The following ADAMTSL1 variants were observed in gnomAD, a reference collection of about 807,000 sequenced individuals.
ADAMTSL1 encodes ADAMTS-like protein 1.
In ADAMTSL1, 126 loss-of-function variants were observed where a neutral mutation model predicts 201.8. The observed-to-expected ratio is 0.62, with a 90% CI of 0.54 to 0.72. The LOEUF is 0.72. Among genes scored for constraint, ADAMTSL1 ranks in the 30% least tolerant of loss-of-function variants. The pLI, the probability that ADAMTSL1 is intolerant of heterozygous loss-of-function variation, is 0.00. For synonymous variants in ADAMTSL1, 1,121 were observed against 903.4 expected (o/e 1.24, Z -4.32); for missense variants, 2,679 against 2,277.8 (o/e 1.18, Z -3.59).
chr9:18,316,084 A>G (rs1834382580), intron 2 of ADAMTSL1, among the ~76,000 whole-genome samples: 1 of 152,222 alleles, frequency 6.6e-6, no homozygotes, highest in Non-Finnish European at 1.5e-5. Context: ...TGCAAAAACC[A>G]GCAAGTTTTT....
intron 3 of ADAMTSL1, among the ~76,000 whole-genome samples, chr9:18,547,508 G>C (rs114063374): frequency 0.018 from 2,739 of 151,832 alleles, 75 homozygotes; most frequent in African/African-American, 0.063. Context: ...GCAGTAGCTT[G>C]ACTCTGGTAG....
rs1296645790 is a variant in ADAMTSL1, at chr9:17,958,337, TG to T, written c.87+51418del. ...CCACTAGACACTGAGATGAGATAAC[TG>T]GGAGAAGAAGCAACTTGTAGAAACA... On this transcript the variant is annotated intron_variant, in intron 1 of 29. Coordinates refer to the ADAMTSL1 transcript ENST00000680146. Among the ~76,000 whole-genome samples, 11 of 152,326 alleles carry T rather than the reference TG, an allele frequency of 7.2e-5. No individual in the cohort carries two copies. The East Asian group carries it at 1.9e-3, about 27-fold the overall frequency.
intron 9 of ADAMTSL1, among the ~76,000 whole-genome samples, chr9:18,672,065 A>G (rs1262033004): frequency 1.3e-5 from 2 of 152,046 alleles, no homozygotes; most frequent in African/African-American, 4.8e-5. Flanking sequence ...TAAAAAAAAG[A>G]ACAGAACCCC....
chr9:18,809,484 G>A (rs7854121), intron 20 of ADAMTSL1, among the ~76,000 whole-genome samples: 77,945 of 151,906 alleles, frequency 0.51, 20,199 homozygotes, highest in South Asian at 0.59. Context: ...TACAAGGGAC[G>A]GTTGGTCATG....
At chr9:18,650,708 A>G (rs886508108) in intron 7 of ADAMTSL1, among the ~76,000 whole-genome samples, 2 of 152,252 alleles carry the variant, frequency 1.3e-5, no homozygotes, top group Middle Eastern at 3.4e-3. Context: ...TTAAAACTAG[A>G]CTGAATTCTC....
intron 1 of ADAMTSL1, among the ~76,000 whole-genome samples, chr9:18,136,674 A>C (rs999977716): frequency 2.1e-4 from 32 of 152,054 alleles, no homozygotes; most frequent in Non-Finnish European, 2.9e-5. Context: ...AAGGAATGGC[A>C]TTCCAAACAG....
intron 1 of ADAMTSL1, among the ~76,000 whole-genome samples, chr9:18,125,822 T>C (rs1806719468): frequency 6.6e-6 from 1 of 152,224 alleles, no homozygotes; most frequent in Non-Finnish European, 1.5e-5. Flanking sequence ...ATTTTTCTGC[T>C]ACTAAATTTC....
chr9:18,086,874 G>C (rs1563991851), intron 1 of ADAMTSL1, among the ~76,000 whole-genome samples: 1 of 152,136 alleles, frequency 6.6e-6, no homozygotes, highest in African/African-American at 2.4e-5. Flanking sequence ...TTTGAAAACA[G>C]TGAATATTTC....
chr9:18,841,694 G>A (rs186397698), intron 23 of ADAMTSL1, among the ~76,000 whole-genome samples: 1 of 152,280 alleles, frequency 6.6e-6, no homozygotes, highest in Non-Finnish European at 1.5e-5. Flanking sequence ...GTAAGCTATT[G>A]ATTATTGTCA....
At chr9:18,541,867 A>T (rs1352389186) in intron 3 of ADAMTSL1, among the ~76,000 whole-genome samples, 1 of 152,264 alleles carries the variant, frequency 6.6e-6, no homozygotes, top group East Asian at 1.9e-4. Flanking sequence ...ACAGTCATTA[A>T]AAAGATTAAG....
chr9:18,560,304 T>C (rs1821402649), intron 3 of ADAMTSL1, among the ~76,000 whole-genome samples: 1 of 152,234 alleles, frequency 6.6e-6, no homozygotes, highest in South Asian at 2.1e-4. Flanking sequence ...ATGTGATGGA[T>C]TACATTTATT....
chr9:17,947,274 G>A (rs1044554342), intron 1 of ADAMTSL1, among the ~76,000 whole-genome samples: 1 of 148,308 alleles, frequency 6.7e-6, no homozygotes, highest in African/African-American at 2.5e-5. Context: ...AATAACTAAT[G>A]TAATGAAAAA....
intron 3 of ADAMTSL1, among the ~76,000 whole-genome samples, chr9:18,548,236 T>A (rs1437707708): frequency 6.6e-6 from 1 of 152,032 alleles, no homozygotes; most frequent in Non-Finnish European, 1.5e-5. Context: ...TGTTCCCAGC[T>A]GTGGTTGAAC....
chr9:18,095,416 C>CCTTTTTTTTTTTTTTTTTTTTTTTTTT (rs1371286278), intron 1 of ADAMTSL1, among the ~76,000 whole-genome samples: 1 of 100,128 alleles, frequency 1.0e-5, no homozygotes. Flanking sequence ...TTCTTTCTTT[C>CCTTTTTTTTTTTTTTTTTTTTTTTTTT]TTTTTTTTTT....
chr9:18,611,031 C>T (rs970490509), intron 4 of ADAMTSL1, among the ~76,000 whole-genome samples: 2 of 152,100 alleles, frequency 1.3e-5, no homozygotes, highest in African/African-American at 4.8e-5. Context: ...AGACACATTC[C>T]AGTAAGATCC....
chr9:18,586,995 C>T (rs566806610), intron 4 of ADAMTSL1, among the ~76,000 whole-genome samples: 3 of 151,760 alleles, frequency 2.0e-5, no homozygotes, highest in African/African-American at 7.3e-5. Context: ...TAAAAAAAAA[C>T]TGTGGAAGAC....
intron 1 of ADAMTSL1, among the ~76,000 whole-genome samples, chr9:18,500,775 G>A (rs540486559): frequency 1.3e-5 from 2 of 152,284 alleles, no homozygotes; most frequent in East Asian, 3.9e-4. Flanking sequence ...AATATGAGAT[G>A]CACTCTAGAC....
intron 2 of ADAMTSL1, among the ~76,000 whole-genome samples, chr9:18,397,615 A>C (rs952098080): frequency 6.6e-6 from 1 of 152,190 alleles, no homozygotes; most frequent in African/African-American, 2.4e-5. Flanking sequence ...CCAAAACCCA[A>C]TACAAGTACA....
chr9:18,355,760 AC>A (rs1836194501), intron 2 of ADAMTSL1, among the ~76,000 whole-genome samples: 1 of 152,244 alleles, frequency 6.6e-6, no homozygotes, highest in Non-Finnish European at 1.5e-5. Context: ...TAATCCTAGC[AC>A]TTTGGGAGGC....
Sources: allele counts gnomAD v4.1 joint callset (sites outside exome capture counted in the v4.1 genomes callset), GRCh38; gene constraint gnomAD v4.1.1; transcripts MANE v1.5; gene names NCBI Gene and HGNC (gene_info 2026-07-23, HGNC 2026-07-21).